Variants in KLHL13 observed in about 807,000 individuals in gnomAD.
KLHL13 encodes the protein kelch-like protein 13.
KLHL13 carries 10 observed loss-of-function variants against 37.1 expected under a neutral mutation model. The ratio of observed to expected loss-of-function variants is 0.27; its 90% CI spans 0.17 to 0.46. The LOEUF (loss-of-function observed/expected upper bound fraction) is 0.46, where lower values mean the gene tolerates loss of function less well. Ranked by LOEUF, KLHL13 falls within the 20% of genes least tolerant of loss-of-function variation. KLHL13 has a pLI of 1.00. For synonymous variants in KLHL13, 163 were observed against 181.2 expected (o/e 0.90, Z 0.81); for missense variants, 360 against 509.3 (o/e 0.71, Z 2.82).
At chrX:117,979,507 C>G (rs2053635805) in intron 1 of KLHL13, among the ~76,000 whole-genome samples, 1 of 111,343 alleles carries the variant, frequency 9.0e-6, no homozygotes, top group Non-Finnish European at 1.9e-5. Flanking sequence ...AGCACCATTC[C>G]TGGCCCGTTG....
intron 1 of KLHL13, among the ~76,000 whole-genome samples, chrX:118,113,362 G>T (rs751166732): frequency 2.7e-5 from 3 of 111,613 alleles, no homozygotes; most frequent in Admixed American, 9.5e-5. Flanking sequence ...CCTTCCCCAG[G>T]AAAGACTCTT....
At chrX:117,931,985 T>G (rs1472616458) in intron 2 of KLHL13, among the ~76,000 whole-genome samples, 1 of 111,421 alleles carries the variant, frequency 9.0e-6, no homozygotes, top group Non-Finnish European at 1.9e-5. Flanking sequence ...GAGCACTTTC[T>G]CTATCCCAGG....
exon 2 of KLHL13, chrX:117,945,554 G>T: frequency 8.3e-7 from 1 of 1,204,495 alleles, no homozygotes; most frequent in Non-Finnish European, 1.1e-6. Context: ...TCATGTGTTG[G>T]TCTTCCTCTT....
At chrX:118,026,791 A>G (rs930703305) in intron 1 of KLHL13, among the ~76,000 whole-genome samples, 1 of 112,048 alleles carries the variant, frequency 8.9e-6, no homozygotes, top group African/African-American at 3.2e-5. Flanking sequence ...CACAACTCCA[A>G]CTGAAAAATT....
At chrX:117,971,498 ATT>A (rs375993032) in intron 1 of KLHL13, among the ~76,000 whole-genome samples, 2 of 105,569 alleles carry the variant, frequency 1.9e-5, no homozygotes, top group African/African-American at 6.8e-5. Context: ...AAACTAGCCT[ATT>A]TTTTTTTTTA....
intron 1 of KLHL13, among the ~76,000 whole-genome samples, chrX:118,021,247 T>TTTA (rs2054206132): frequency 9.2e-6 from 1 of 108,120 alleles, no homozygotes; most frequent in Non-Finnish European, 1.9e-5. Flanking sequence ...CTCCTTTTTT[T>TTTA]TTATTATTAT....
Position 117,955,407 on chromosome X carries a change from G to A in KLHL13, c.99-9832C>T, listed in dbSNP as rs145564614. ...TGCATTCCATGTTTTAAGAAATATA[G>A]TTGGCAGCCCTAAGAGTCCCAATGA... On this transcript the variant is annotated intron_variant, in intron 1 of 6. Coordinates refer to ENST00000262820, the Ensembl canonical transcript of KLHL13. Among the ~76,000 whole-genome samples, 512 of 111,803 alleles carry A rather than the reference G, an allele frequency of 4.6e-3. 3 individuals are homozygous for A. Among genetic ancestry groups the A allele is most frequent in the African/African-American group, 0.014 (427 of 30,873 alleles).
chrX:117,909,951 C>T (rs138906199), exon 5 of KLHL13: 14 of 1,210,062 alleles, frequency 1.2e-5, no homozygotes, highest in Non-Finnish European at 1.5e-5. Context: ...GAAGGCAAGA[C>T]GCTCAAAAGG....
At chrX:118,099,920 A>AAGGG (rs2055268693) in intron 1 of KLHL13, among the ~76,000 whole-genome samples, 1 of 81,126 alleles carries the variant, frequency 1.2e-5, no homozygotes, top group African/African-American at 1.3e-4. Context: ...GGAAGGAAGA[A>AAGGG]AGGAAGGAAG....
At chrX:117,979,465 G>A (rs1292159628) in intron 1 of KLHL13, among the ~76,000 whole-genome samples, 1 of 111,295 alleles carries the variant, frequency 9.0e-6, no homozygotes, top group Non-Finnish European at 1.9e-5. Context: ...CCTTCAAGAA[G>A]GAATCCCTAA....
At chrX:117,898,323 C>A (rs1929864011) in exon 7 of KLHL13, 1 of 112,556 alleles carries the variant, frequency 8.9e-6, no homozygotes, top group South Asian at 3.7e-4. Flanking sequence ...TAAGCTACTT[C>A]TCCTGTGTGT....
At chrX:118,087,007 A>G (rs1439812034) in intron 1 of KLHL13, among the ~76,000 whole-genome samples, 1 of 111,698 alleles carries the variant, frequency 9.0e-6, no homozygotes, top group Admixed American at 9.6e-5. Context: ...TTACTGCTAG[A>G]CATGACATTT....
chrX:118,056,887 C>T (rs1412428207), intron 1 of KLHL13, among the ~76,000 whole-genome samples: 1 of 112,011 alleles, frequency 8.9e-6, no homozygotes, highest in Admixed American at 9.5e-5. Flanking sequence ...AATAGGTGTT[C>T]AATATATTTT....
chrX:118,022,519 T>C (rs1039822449), intron 1 of KLHL13, among the ~76,000 whole-genome samples: 10 of 112,173 alleles, frequency 8.9e-5, no homozygotes, highest in Non-Finnish European at 1.5e-4. Flanking sequence ...GTCTTTCTGA[T>C]AATGGCCAAC....
At chrX:117,949,002 G>C (rs1281743491) in intron 1 of KLHL13, among the ~76,000 whole-genome samples, 1 of 112,034 alleles carries the variant, frequency 8.9e-6, no homozygotes, top group Non-Finnish European at 1.9e-5. Context: ...ACAAAGGGCT[G>C]CCAACATTGT....
intron 1 of KLHL13, among the ~76,000 whole-genome samples, chrX:117,966,441 G>T (rs182063654): frequency 0.16 from 17,950 of 109,914 alleles, 2,067 homozygotes; most frequent in African/African-American, 0.41. Flanking sequence ...CATTCCATGC[G>T]CATGGGTAGG....
chrX:117,972,752 G>A (rs150950647), exon 1 of KLHL13: 130 of 1,207,369 alleles, frequency 1.1e-4, no homozygotes, highest in Non-Finnish European at 1.4e-4. Flanking sequence ...AGAAAGTGGA[G>A]TTGACCTGGA....
chrX:117,968,524 T>C (rs765141855), intron 1 of KLHL13, among the ~76,000 whole-genome samples: 1 of 111,963 alleles, frequency 8.9e-6, no homozygotes, highest in South Asian at 3.7e-4. Flanking sequence ...ACAAAATTTA[T>C]CTTAGGTGTT....
chrX:117,962,728 T>C (rs2053324927), intron 1 of KLHL13, among the ~76,000 whole-genome samples: 1 of 112,049 alleles, frequency 8.9e-6, no homozygotes, highest in Non-Finnish European at 1.9e-5. Flanking sequence ...ATATAATTAA[T>C]AGATGGCATG....
Sources: gnomAD v4.1 joint callset for allele counts (sites outside exome capture counted in the v4.1 genomes callset) on GRCh38, gnomAD v4.1.1 for gene constraint, MANE v1.5 for transcripts, NCBI Gene and HGNC (gene_info 2026-07-23, HGNC 2026-07-21) for gene names.